The following NCOA3 variants were observed in gnomAD, a reference collection of about 807,000 sequenced individuals.
NCOA3 encodes nuclear receptor coactivator 3.
NCOA3 carries 51 observed loss-of-function variants against 158.8 expected under a neutral mutation model. The observed-to-expected ratio is 0.32, with a 90% CI of 0.26 to 0.41. The LOEUF is 0.41. Among genes scored for constraint, NCOA3 ranks in the 10% least tolerant of loss-of-function variants. NCOA3 has a pLI of 1.00. For missense variants in NCOA3, 1,510 were observed against 1,746.6 expected, an observed-to-expected ratio of 0.86 and a Z score of 2.41; for synonymous variants, 537 against 592.4, an observed-to-expected ratio of 0.91 and a Z score of 1.36.
At chr20:47,638,974 A>G in intron 13 of NCOA3, 34 bp from the exon 14 acceptor site, 1 of 1,515,312 alleles carries the variant, frequency 6.6e-7, no homozygotes, top group Non-Finnish European at 8.9e-7. Flanking sequence ...ATATTAAATC[A>G]CGAAGAAATG....
chr20:47,571,709 T>G (rs2085297855), intron 1 of NCOA3, among the ~76,000 whole-genome samples: 1 of 152,170 alleles, frequency 6.6e-6, no homozygotes, highest in African/African-American at 2.4e-5. Flanking sequence ...AGATTCAGTG[T>G]AATTCTTTTT....
intron 1 of NCOA3, among the ~76,000 whole-genome samples, chr20:47,581,252 T>A (rs780517389): frequency 3.3e-5 from 5 of 152,316 alleles, no homozygotes; most frequent in Admixed American, 6.5e-5. Flanking sequence ...AGTATGCATA[T>A]GCAAATATTT....
chr20:47,643,626 GT>G (rs1390268920), intron 17 of NCOA3, among the ~76,000 whole-genome samples: 2 of 152,046 alleles, frequency 1.3e-5, no homozygotes, highest in African/African-American at 4.8e-5. Context: ...TGGACTCCTA[GT>G]ATCCTGAATC....
chr20:47,555,514 A>C (rs754114547), intron 1 of NCOA3, among the ~76,000 whole-genome samples: 1 of 151,784 alleles, frequency 6.6e-6, no homozygotes, highest in South Asian at 2.1e-4. Flanking sequence ...AATTTGGATT[A>C]TCTTCAATAA....
At chr20:47,604,805 T>G (rs533220955) in intron 2 of NCOA3, among the ~76,000 whole-genome samples, 1 of 152,358 alleles carries the variant, frequency 6.6e-6, no homozygotes, top group South Asian at 2.1e-4. Flanking sequence ...TATTAAGCAT[T>G]GAATTCATCT....
chr20:47,553,681 G>A lies in NCOA3; in HGVS notation c.-98-29502G>A, dbSNP rs924852205. ...TTTTGTCCTTGCGATAGTTTGTTGA[G>A]AATGATGGTTTCCAGCTTCATTCAT... is the stretch of plus-strand genomic sequence containing the variant. On this transcript the variant is annotated intron_variant, in intron 1 of 22. Transcript: ENST00000371998. Among the ~76,000 whole-genome samples, 10 of 151,748 alleles carry A rather than the reference G, an allele frequency of 6.6e-5. No homozygotes were observed. In the East Asian group the frequency reaches 7.8e-4, roughly 12 times the overall value.
intron 2 of NCOA3, among the ~76,000 whole-genome samples, chr20:47,600,002 C>T (rs1374718367): frequency 6.6e-6 from 1 of 151,710 alleles, no homozygotes; most frequent in African/African-American, 2.4e-5. Flanking sequence ...ATTCATAATC[C>T]TGGTGGATCT....
At chr20:47,560,707 A>C (rs1253243883) in intron 1 of NCOA3, among the ~76,000 whole-genome samples, 1 of 152,102 alleles carries the variant, frequency 6.6e-6, no homozygotes, top group Non-Finnish European at 1.5e-5. Context: ...AGGTGTCTTT[A>C]GTCCATCTTT....
At chr20:47,520,473 G>C (rs1169044630) in intron 1 of NCOA3, among the ~76,000 whole-genome samples, 1 of 152,174 alleles carries the variant, frequency 6.6e-6, no homozygotes, top group Admixed American at 6.6e-5. Context: ...GAAAGGAAAG[G>C]GGAGTTCTGA....
chr20:47,576,682 A>G (rs1268763046), intron 1 of NCOA3, among the ~76,000 whole-genome samples: 1 of 152,208 alleles, frequency 6.6e-6, no homozygotes, highest in Non-Finnish European at 1.5e-5. Flanking sequence ...GTAGCCAATG[A>G]GTTAATGTTC....
intron 1 of NCOA3, among the ~76,000 whole-genome samples, chr20:47,515,196 C>A (rs1324258326): frequency 6.6e-6 from 1 of 151,372 alleles, no homozygotes; most frequent in African/African-American, 2.4e-5. Context: ...TGGAGTCTCG[C>A]TCTGTTGCCC....
chr20:47,584,109 A>G (rs1259663306), intron 2 of NCOA3, among the ~76,000 whole-genome samples: 1 of 152,090 alleles, frequency 6.6e-6, no homozygotes, highest in Non-Finnish European at 1.5e-5. Flanking sequence ...AGCCTAAACA[A>G]CACAGTAACA....
intron 15 of NCOA3, 36 bp downstream of exon 15, chr20:47,639,858 A>T (rs374111711): frequency 2.3e-5 from 37 of 1,612,218 alleles, no homozygotes; most frequent in Non-Finnish European, 2.9e-5. Context: ...TGAAAAAAGA[A>T]AGTTAGATGT....
At chr20:47,561,396 G>A (rs754406161) in intron 1 of NCOA3, among the ~76,000 whole-genome samples, 2 of 151,352 alleles carry the variant, frequency 1.3e-5, no homozygotes, top group Non-Finnish European at 2.9e-5. Context: ...AAATTCCTGG[G>A]CTCAAGTGAT....
At chr20:47,567,375 A>C (rs1436778609) in intron 1 of NCOA3, among the ~76,000 whole-genome samples, 3 of 151,456 alleles carry the variant, frequency 2.0e-5, no homozygotes, top group Non-Finnish European at 4.4e-5. Context: ...GTAACATAAA[A>C]TATTTGAGTA....
intron 1 of NCOA3, among the ~76,000 whole-genome samples, chr20:47,576,723 T>G (rs2085378751): frequency 6.6e-6 from 1 of 152,214 alleles, no homozygotes; most frequent in Non-Finnish European, 1.5e-5. Context: ...GCATGCAGCC[T>G]GTGTTTCCTG....
intron 1 of NCOA3, among the ~76,000 whole-genome samples, chr20:47,560,574 T>C (rs2085083272): frequency 1.3e-5 from 2 of 152,206 alleles, no homozygotes; most frequent in Non-Finnish European, 1.5e-5. Context: ...TGTCAGTTTT[T>C]TTAGATTTTA....
intron 2 of NCOA3, among the ~76,000 whole-genome samples, chr20:47,620,884 T>G (rs535153856): frequency 5.3e-5 from 8 of 152,356 alleles, no homozygotes; most frequent in African/African-American, 1.9e-4. Context: ...TGTCATTTTC[T>G]TATAGCTTCC....
intron 1 of NCOA3, among the ~76,000 whole-genome samples, chr20:47,533,306 A>G (rs1308853914): frequency 2.9e-5 from 4 of 136,902 alleles, no homozygotes; most frequent in Admixed American, 2.2e-4. Flanking sequence ...AAAAAAAAAG[A>G]TCATTGATTT....
Sources: gnomAD v4.1 joint callset for allele counts (sites outside exome capture counted in the v4.1 genomes callset) on GRCh38, gnomAD v4.1.1 for gene constraint, MANE v1.5 for transcripts, NCBI Gene and HGNC (gene_info 2026-07-23, HGNC 2026-07-21) for gene names.